The following ATF7IP variants were observed in gnomAD, a reference collection of about 807,000 sequenced individuals.
ATF7IP encodes the protein activating transcription factor 7-interacting protein 1.
A neutral mutation model predicts 106.4 loss-of-function variants in ATF7IP; 23 were observed. The observed-to-expected ratio is 0.22, with a 90% CI of 0.16 to 0.31. ATF7IP has a LOEUF of 0.31. ATF7IP is among the 10% of genes least tolerant of loss of function. ATF7IP has a pLI of 1.00. For missense variants in ATF7IP, 1,334 were observed against 1,524.3 expected, an observed-to-expected ratio of 0.88 and a Z score of 2.08; for synonymous variants, 542 against 539.0, an observed-to-expected ratio of 1.01 and a Z score of -0.08.
intron 11 of ATF7IP, chr12:14,476,190 AGG>A: frequency 2.4e-6 from 1 of 408,210 alleles, no homozygotes; most frequent in Non-Finnish European, 4.4e-6. Context: ...AGGAGGATCG[AGG>A]CAAGAGGTCA....
chr12:14,423,780 G>C, intron 1 of ATF7IP, 129 bp from the exon 2 acceptor site: 10 of 1,014,022 alleles, frequency 9.9e-6, no homozygotes, highest in Non-Finnish European at 1.2e-5. Flanking sequence ...ACAAGCAGTA[G>C]GTTTTCTATG....
At chr12:14,457,066 GT>G in intron 7 of ATF7IP, 140 bp from the exon 8 acceptor site, 2 of 692,354 alleles carry the variant, frequency 2.9e-6, no homozygotes. Flanking sequence ...ATGCCTCACT[GT>G]TTTTGCTTGC....
rs769885332 is a variant in ATF7IP, at chr12:14,460,606, A to G, written c.2270A>G (p.Asn757Ser). 6 of 1,614,162 alleles carry G rather than the reference A, an allele frequency of 3.7e-6. No individual in the cohort carries two copies. The highest frequency in any genetic ancestry group is 1.6e-4 in the Middle Eastern group (1 of 6,062). Residue 757 changes from asparagine (N) to serine (S), a missense_variant, in exon 9 of 15, where the codon AAT becomes AGT. Asn to Ser is a conservative substitution (Grantham distance 46). Around this residue, in one of 10 missense-constraint regions of ATF7IP, gnomAD observed 171 missense variants for 172.6 expected, o/e 0.99. Coordinates refer to ENST00000261168, the MANE Select transcript of ATF7IP (RefSeq NM_018179.5). The part of the protein sequence containing the change: ...LTATSVLPAP[N>S]TATVVATTQV... ...GCAACGTCAGTTCTTCCTGCACCCAATACAGCTACTGTAGTTGCTACTACT... is the reference window on the plus strand; with the variant it reads ...GCAACGTCAGTTCTTCCTGCACCCAGTACAGCTACTGTAGTTGCTACTACT...
chr12:14,393,114 C>T (rs754396307), intron 1 of ATF7IP, among the ~76,000 whole-genome samples: 4 of 152,136 alleles, frequency 2.6e-5, no homozygotes, highest in African/African-American at 2.4e-5. Flanking sequence ...TACTTACATC[C>T]ATGTTATTTA....
Position 14,365,790 on chromosome 12 carries a change from G to A in ATF7IP, c.-45G>A, listed in dbSNP as rs1419694802. On this transcript the variant is annotated 5_prime_UTR_variant, in exon 1 of 15. Coordinates refer to ENST00000261168, the MANE Select transcript of ATF7IP (RefSeq NM_018179.5). ...CTGCGCGGGACGGCTCTGTAGGAAG[G>A]AACTTGGTTCCCCCTCCCTCAGCTT... is the stretch of plus-strand genomic sequence containing the variant. The A allele has an allele frequency of 6.5e-6, 1 of 153,728 alleles. No homozygotes were observed. The highest frequency in any genetic ancestry group is 1.5e-5 in the Non-Finnish European group (1 of 68,222). 9.5% of individuals were successfully genotyped at this position (153,728 alleles called of 1,614,324 possible).
At chr12:14,486,057 C>T (rs184926097) in intron 13 of ATF7IP, among the ~76,000 whole-genome samples, 1 of 152,280 alleles carries the variant, frequency 6.6e-6, no homozygotes, top group Non-Finnish European at 1.5e-5. Flanking sequence ...CATAGTAGCC[C>T]TCACCCTACC....
chr12:14,497,570 A>G (rs918589630), intron 14 of ATF7IP, 84 bp from the exon 15 acceptor site: 2 of 1,311,708 alleles, frequency 1.5e-6, no homozygotes, highest in African/African-American at 1.5e-5. Flanking sequence ...ACTTCTACGT[A>G]TGTTCTCTAA....
At chr12:14,471,863 A>T (rs754070528) in intron 10 of ATF7IP, among the ~76,000 whole-genome samples, 1 of 152,186 alleles carries the variant, frequency 6.6e-6, no homozygotes, top group African/African-American at 2.4e-5. Context: ...GCCAAACCAT[A>T]TAAGGAGGTA....
In ATF7IP at chr12:14,494,882, G is replaced by A. The variant is rs572559376; in HGVS notation, c.3281-1349G>A. 4.2e-5 allele frequency among the ~76,000 whole-genome samples: 6 copies of A among 143,596 alleles called. No individual in the cohort carries two copies. In the East Asian group the frequency reaches 8.3e-4, roughly 20 times the overall value. The allele number at this position is 143,596 out of a possible 152,430, so 94.2% of individuals were successfully genotyped here. A position where few individuals can be genotyped will look rare whatever the true frequency, so the allele number is the denominator to read the frequency against. On this transcript the variant is annotated intron_variant, in intron 13 of 14. Transcript: ENST00000261168. ...CAGGAGGCGGAGGTTGCAGTGAGCC[G>A]AGATCATGCCACTGCACTCCAGCCT...
intron 6 of ATF7IP, among the ~76,000 whole-genome samples, chr12:14,452,413 G>C (rs1383286377): frequency 1.3e-5 from 2 of 151,216 alleles, no homozygotes; most frequent in East Asian, 3.9e-4. Flanking sequence ...GCTTTTTTTT[G>C]TTTCTTGATT....
chr12:14,466,696 T>C, intron 10 of ATF7IP, 106 bp downstream of exon 10: 1 of 871,394 alleles, frequency 1.1e-6, no homozygotes, highest in South Asian at 1.6e-5. Flanking sequence ...TGTGTGTTTT[T>C]TATAACTATC....
intron 1 of ATF7IP, among the ~76,000 whole-genome samples, chr12:14,407,551 T>G (rs1940666981): frequency 1.3e-5 from 2 of 152,134 alleles, no homozygotes; most frequent in South Asian, 4.1e-4. Flanking sequence ...ACATGCCTAT[T>G]AAGCATTATT....
At chr12:14,403,790 A>AT (rs1258320346) in intron 1 of ATF7IP, among the ~76,000 whole-genome samples, 4 of 151,436 alleles carry the variant, frequency 2.6e-5, no homozygotes, top group Non-Finnish European at 4.4e-5. Context: ...CCTCCTTTTT[A>AT]TTTTTTTTAA....
chr12:14,480,752 T>C (rs1291827940), intron 12 of ATF7IP, among the ~76,000 whole-genome samples: 1 of 152,200 alleles, frequency 6.6e-6, no homozygotes, highest in Non-Finnish European at 1.5e-5. Flanking sequence ...GCTTATTATC[T>C]GGTCAAACCA....
At chr12:14,427,553 T>G (rs1311443249) in intron 2 of ATF7IP, among the ~76,000 whole-genome samples, 2 of 151,700 alleles carry the variant, frequency 1.3e-5, no homozygotes, top group African/African-American at 4.8e-5. Flanking sequence ...TTTAGTAGAG[T>G]CGGGGTTTCA....
chr12:14,456,095 A>G (rs1423383262), intron 6 of ATF7IP, among the ~76,000 whole-genome samples: 1 of 152,152 alleles, frequency 6.6e-6, no homozygotes, highest in Non-Finnish European at 1.5e-5. Context: ...TTAAAAAACA[A>G]CTTAAAAATA....
chr12:14,463,628 G>A (rs183370882), intron 9 of ATF7IP, among the ~76,000 whole-genome samples: 11 of 152,220 alleles, frequency 7.2e-5, no homozygotes, highest in Admixed American at 3.3e-4. Flanking sequence ...GGGGAAATAC[G>A]GTTAAAGGGT....
At chr12:14,384,234 A>G (rs1939118254) in intron 1 of ATF7IP, among the ~76,000 whole-genome samples, 1 of 152,166 alleles carries the variant, frequency 6.6e-6, no homozygotes, top group African/African-American at 2.4e-5. Context: ...AACAAGATAC[A>G]CAGGTTAGCT....
intron 13 of ATF7IP, among the ~76,000 whole-genome samples, chr12:14,495,638 G>A (rs1944989350): frequency 6.6e-6 from 1 of 152,214 alleles, no homozygotes; most frequent in African/African-American, 2.4e-5. Flanking sequence ...GCAGTTTTCT[G>A]TGGGGTGAAG....
Sources: allele counts gnomAD v4.1 joint callset (sites outside exome capture counted in the v4.1 genomes callset), GRCh38; gene constraint gnomAD v4.1.1; regional missense constraint gnomAD v4.1.1; transcripts MANE v1.5; gene names NCBI Gene and HGNC (gene_info 2026-07-23, HGNC 2026-07-21).